The following DYSF variants were observed in gnomAD, a reference collection of about 807,000 sequenced individuals.
DYSF encodes dystrophy-associated fer-1-like 1.
In DYSF, 212 loss-of-function variants were observed where a neutral mutation model predicts 274.9. The ratio of observed to expected loss-of-function variants is 0.77; its 90% confidence interval spans 0.69 to 0.86. DYSF has a LOEUF of 0.86. Among genes scored for constraint, DYSF ranks in the 40% least tolerant of loss-of-function variants. The probability of loss-of-function intolerance (pLI) is 0.00; values close to 1 mark genes in which losing one functional copy is unlikely to be tolerated. For missense variants in DYSF, 2,666 were observed against 2,783.2 expected (o/e 0.96, Z 0.95); for synonymous variants, 1,091 against 1,078.7 (o/e 1.01, Z -0.22).
At chr2:71,538,385 T>C (rs1018815862) in intron 16 of DYSF, among the ~76,000 whole-genome samples, 1 of 152,158 alleles carries the variant, frequency 6.6e-6, no homozygotes, top group African/African-American at 2.4e-5. Context: ...CACAGTCCCC[T>C]ACCCTGGTTG....
chr2:71,685,369 G>C (rs998164388), intron 55 of DYSF, among the ~76,000 whole-genome samples: 6 of 152,226 alleles, frequency 3.9e-5, no homozygotes, highest in African/African-American at 7.2e-5. Context: ...AGGGATGAAG[G>C]GGGTGGCCTG....
intron 3 of DYSF, among the ~76,000 whole-genome samples, chr2:71,497,496 A>T (rs1010338587): frequency 2.6e-5 from 4 of 152,174 alleles, no homozygotes; most frequent in African/African-American, 9.7e-5. Flanking sequence ...GTAAAGAAGG[A>T]CATGTTTGCT....
chr2:71,635,934 A>G (rs967531187), intron 41 of DYSF, among the ~76,000 whole-genome samples: 2 of 152,102 alleles, frequency 1.3e-5, no homozygotes, highest in Admixed American at 6.5e-5. Flanking sequence ...CGGGATTGTG[A>G]TTTACAATAT....
intron 4 of DYSF, among the ~76,000 whole-genome samples, chr2:71,504,818 C>T (rs1264020287): frequency 1.3e-5 from 2 of 152,228 alleles, no homozygotes; most frequent in East Asian, 1.9e-4. Context: ...ATTCATGAGC[C>T]GTGTCAGGCT....
intron 29 of DYSF, among the ~76,000 whole-genome samples, chr2:71,571,826 T>C (rs1379990959): frequency 1.2e-5 from 1 of 84,100 alleles, no homozygotes; most frequent in Non-Finnish European, 2.3e-5. Flanking sequence ...CACACACACA[T>C]CACACCCAGC....
chr2:71,589,111 T>G (rs985451131), intron 30 of DYSF, among the ~76,000 whole-genome samples: 1 of 151,910 alleles, frequency 6.6e-6, no homozygotes, highest in Non-Finnish European at 1.5e-5. Flanking sequence ...CTCAGCAGAG[T>G]GGGAACTGGT....
chr2:71,654,594 G>A (rs1407192998), intron 42 of DYSF, among the ~76,000 whole-genome samples: 1 of 152,014 alleles, frequency 6.6e-6, no homozygotes, highest in African/African-American at 2.4e-5. Context: ...ACCAGCCTAG[G>A]CAACATAGCG....
At chr2:71,498,940 A>C (rs2084699133) in intron 3 of DYSF, among the ~76,000 whole-genome samples, 1 of 152,264 alleles carries the variant, frequency 6.6e-6, no homozygotes, top group Non-Finnish European at 1.5e-5. Flanking sequence ...ATACTAAATA[A>C]GTATTTGTTG....
chr2:71,564,085 A>C lies in DYSF; in HGVS notation c.2437A>C (p.Ile813Leu). Reference protein sequence around the residue: ...EPQNSLPDIVIWMLQGDKRVA... With the variant: ...EPQNSLPDIVLWMLQGDKRVA... ...CCAGAACAGCCTGCCGGACATCGTC[A>C]TCTGGATGCTGCAGGGAGACAAGCG... Residue 813 changes from isoleucine (I) to leucine (L), a missense_variant, in exon 24 of 56, where the codon ATC (isoleucine) becomes CTC (leucine). Coordinates refer to ENST00000410020, the MANE Select transcript of DYSF (RefSeq NM_001130987.2). 1 of 1,614,182 alleles carries C rather than the reference A, an allele frequency of 6.2e-7. No homozygotes were observed. The highest frequency in any genetic ancestry group is 8.5e-7 in the Non-Finnish European group (1 of 1,180,022).
chr2:71,500,340 A>C (rs577707975), intron 3 of DYSF, among the ~76,000 whole-genome samples: 2 of 152,058 alleles, frequency 1.3e-5, no homozygotes, highest in Non-Finnish European at 2.9e-5. Context: ...ACACTGCGGG[A>C]GAGGCAGCCT....
intron 1 of DYSF, among the ~76,000 whole-genome samples, chr2:71,460,816 G>A (rs1177896423): frequency 1.3e-5 from 2 of 151,952 alleles, no homozygotes; most frequent in African/African-American, 2.4e-5. Context: ...TGTTCCTATG[G>A]AGGTATTAGT....
At chr2:71,535,143 G>A (rs904917079) in intron 15 of DYSF, 54 bp downstream of exon 15, 40 of 1,607,952 alleles carry the variant, frequency 2.5e-5, no homozygotes, top group African/African-American at 2.7e-5. Context: ...TCTGGGCTTC[G>A]GGAGGTCCAG....
At chr2:71,594,736 C>A (rs532383282) in intron 32 of DYSF, among the ~76,000 whole-genome samples, 1 of 152,160 alleles carries the variant, frequency 6.6e-6, no homozygotes, top group South Asian at 2.1e-4. Context: ...CCTGGAATGC[C>A]CCCTTTTCCT....
chr2:71,585,925 C>T (rs13413696), intron 30 of DYSF, among the ~76,000 whole-genome samples: 13,801 of 151,988 alleles, frequency 0.091, 1,215 homozygotes, highest in African/African-American at 0.23. Flanking sequence ...GATGATAAGA[C>T]TGCACAGAAA....
chr2:71,541,064 C>A (rs1440484010), intron 17 of DYSF, among the ~76,000 whole-genome samples: 1 of 152,102 alleles, frequency 6.6e-6, no homozygotes, highest in African/African-American at 2.4e-5. Flanking sequence ...TGTTCTTGGG[C>A]CTGTTCCTCT....
chr2:71,574,466 G>T lies in DYSF; in HGVS notation c.3402+95G>T, dbSNP rs775251742. On this transcript the variant is annotated intron_variant, in intron 30 of 55. Coordinates refer to ENST00000410020, the MANE Select transcript of DYSF (RefSeq NM_001130987.2). ...TGTGGGAGAGGCACAGGGACCCCAGGTTAGGACTTTTGGATGGAACGCTGG... is the reference window on the plus strand; with the variant it reads ...TGTGGGAGAGGCACAGGGACCCCAGTTTAGGACTTTTGGATGGAACGCTGG... 15 of 1,482,910 alleles carry T rather than the reference G, an allele frequency of 1.0e-5. No homozygotes were observed. The African/African-American group carries it at 1.3e-4, about 12-fold the overall frequency. 91.9% of individuals were successfully genotyped at this position (1,482,910 alleles called of 1,614,324 possible).
Position 71,552,923 on chromosome 2 carries a change from C to T in DYSF, c.1807-88C>T, listed in dbSNP as rs996987915. On this transcript the variant is annotated intron_variant, in intron 19 of 55. Transcript: ENST00000410020. ...GGAGCTATTGGGTGCCGGTTATGGC[C>T]GGGGCCTGCCAGACGTATGTCCCCT... 2.3e-5 allele frequency: 33 copies of T among 1,421,366 alleles called. No individual in the cohort carries two copies. The African/African-American group carries it at 2.4e-4, about 10-fold the overall frequency. 88.0% of individuals were successfully genotyped at this position (1,421,366 alleles called of 1,614,324 possible).
intron 17 of DYSF, among the ~76,000 whole-genome samples, chr2:71,546,484 CA>C (rs933571655): frequency 6.7e-4 from 102 of 152,346 alleles, no homozygotes; most frequent in African/African-American, 2.4e-3. Context: ...CCTCTGCCCA[CA>C]AATTTGCCTG....
chr2:71,681,683 C>T (rs748675718), intron 54 of DYSF, among the ~76,000 whole-genome samples: 29 of 152,162 alleles, frequency 1.9e-4, no homozygotes, highest in Non-Finnish European at 2.9e-4. Flanking sequence ...GGAGATAGAC[C>T]AAGCCAATGG....
Sources: allele counts gnomAD v4.1 joint callset (sites outside exome capture counted in the v4.1 genomes callset), GRCh38; gene constraint gnomAD v4.1.1; transcripts MANE v1.5; gene names NCBI Gene and HGNC (gene_info 2026-07-23, HGNC 2026-07-21).